Variants in TENM3 observed in about 807,000 individuals in gnomAD.
TENM3 encodes teneurin transmembrane protein 3.
TENM3 carries 63 observed loss-of-function variants against 255.1 expected under a neutral mutation model. The ratio of observed to expected loss-of-function variants is 0.25; its 90% CI spans 0.20 to 0.30. The LOEUF is 0.30. TENM3 is among the 10% of genes least tolerant of loss of function. The probability of loss-of-function intolerance (pLI) is 1.00; values close to 1 mark genes in which losing one functional copy is unlikely to be tolerated. For missense variants in TENM3, 2,929 were observed against 3,461.1 expected (o/e 0.85, Z 3.86); for synonymous variants, 1,306 against 1,322.3 (o/e 0.99, Z 0.27).
the TENM3 span, among the ~76,000 whole-genome samples, chr4:182,083,593 T>C: frequency 6.6e-6 from 1 of 152,334 alleles, no homozygotes; most frequent in Non-Finnish European, 1.5e-5. Context: ...ACACAAAAGA[T>C]AATGTTATGA....
the TENM3 span, among the ~76,000 whole-genome samples, chr4:181,714,859 G>A: frequency 6.6e-6 from 1 of 152,108 alleles, no homozygotes; most frequent in Non-Finnish European, 1.5e-5. Flanking sequence ...TTTATTGCCT[G>A]TGAGATTCTA....
At chr4:182,165,980 G>A (rs779611205) in intron 1 of TENM3, among the ~76,000 whole-genome samples, 11 of 152,198 alleles carry the variant, frequency 7.2e-5, no homozygotes, top group Non-Finnish European at 1.3e-4. Flanking sequence ...GGGTTTCACC[G>A]CATTAGCCAG....
At chr4:181,833,556 T>C in the TENM3 span, among the ~76,000 whole-genome samples, 4 of 152,200 alleles carry the variant, frequency 2.6e-5, no homozygotes, top group African/African-American at 9.7e-5. Flanking sequence ...ACTCAGGCCA[T>C]TCAAATATGG....
chr4:181,655,438 G>C, the TENM3 span, among the ~76,000 whole-genome samples: 4 of 152,158 alleles, frequency 2.6e-5, no homozygotes, highest in Non-Finnish European at 5.9e-5. Flanking sequence ...CTGTACTGAG[G>C]ATCTATTATG....
intron 1 of TENM3, among the ~76,000 whole-genome samples, chr4:182,151,058 C>CT (rs1750304295): frequency 6.6e-6 from 1 of 152,092 alleles, no homozygotes; most frequent in South Asian, 2.1e-4. Context: ...AAGGAGGTGT[C>CT]TTTTTTGACA....
At chr4:182,596,811 A>C (rs1260214677) in intron 3 of TENM3, among the ~76,000 whole-genome samples, 1 of 152,214 alleles carries the variant, frequency 6.6e-6, no homozygotes, top group Admixed American at 6.5e-5. Context: ...CGACATGTTC[A>C]GAGGTATGTT....
chr4:182,034,088 G>A, the TENM3 span, among the ~76,000 whole-genome samples: 22 of 152,176 alleles, frequency 1.4e-4, no homozygotes, highest in African/African-American at 9.7e-5. Context: ...AAGCCAAGGC[G>A]TGTTGTACAT....
At chr4:182,457,851 A>G (rs1457336679) in intron 3 of TENM3, among the ~76,000 whole-genome samples, 1 of 152,230 alleles carries the variant, frequency 6.6e-6, no homozygotes, top group South Asian at 2.1e-4. Flanking sequence ...GCGAGCCACC[A>G]CATCCGGCCT....
chr4:181,859,560 A>G, the TENM3 span, among the ~76,000 whole-genome samples: 13 of 152,282 alleles, frequency 8.5e-5, no homozygotes, highest in Admixed American at 7.2e-4. Flanking sequence ...CCCATTGTGA[A>G]CTCAGAGGTG....
rs1298168027 is a variant in TENM3, at chr4:182,326,528, TATC to T, written c.232+2279_232+2281del. Among the ~76,000 whole-genome samples, 3 of 151,902 alleles carry T rather than the reference TATC, an allele frequency of 2.0e-5. No homozygotes were observed. The East Asian group carries it at 5.8e-4, about 29-fold the overall frequency. ...ATTGCAGTCAATTTTTTAAGTCTAT[TATC>T]ATTATTATTAATTAATTAATTTAGT... On this transcript the variant is annotated intron_variant, in intron 2 of 27. Coordinates refer to ENST00000511685, the MANE Select transcript of TENM3 (RefSeq NM_001080477.4).
chr4:181,974,434 G>T, the TENM3 span, among the ~76,000 whole-genome samples: 2 of 152,074 alleles, frequency 1.3e-5, no homozygotes, highest in African/African-American at 4.8e-5. Context: ...CAGGCATGCT[G>T]GTGCATGCCT....
At chr4:182,239,576 C>T (rs1451475736), upstream of TENM3, among the ~76,000 whole-genome samples, 1 of 152,080 alleles carries the variant, frequency 6.6e-6, no homozygotes, top group African/African-American at 2.4e-5. Flanking sequence ...TAAGTGGATT[C>T]TTCAAGAGTT....
At chr4:182,139,274 G>A (rs1749225979), upstream of TENM3, among the ~76,000 whole-genome samples, 1 of 152,168 alleles carries the variant, frequency 6.6e-6, no homozygotes, top group Non-Finnish European at 1.5e-5. Context: ...TGTGTTCCAG[G>A]GGCCCCGGAT....
chr4:182,144,347 T>G (rs1749728160), upstream of TENM3: 1 of 152,528 alleles, frequency 6.6e-6, no homozygotes, highest in South Asian at 2.1e-4. Flanking sequence ...ACCTGGCCCT[T>G]CTCGCCTTCC....
chr4:181,755,232 A>G, the TENM3 span, among the ~76,000 whole-genome samples: 1 of 152,140 alleles, frequency 6.6e-6, no homozygotes, highest in Non-Finnish European at 1.5e-5. Context: ...CCAATTGTTC[A>G]CCATTCACTT....
chr4:181,516,521 C>T, the TENM3 span, among the ~76,000 whole-genome samples: 1 of 152,118 alleles, frequency 6.6e-6, no homozygotes, highest in South Asian at 2.1e-4. Context: ...TGGCTCACAA[C>T]TGTAATCCCA....
chr4:182,084,198 GA>G, the TENM3 span, among the ~76,000 whole-genome samples: 13 of 152,018 alleles, frequency 8.6e-5, no homozygotes, highest in Non-Finnish European at 1.5e-4. Flanking sequence ...TTGCTGGGGG[GA>G]AAAAATAAGC....
chr4:181,797,963 GA>G, the TENM3 span, among the ~76,000 whole-genome samples: 2 of 152,164 alleles, frequency 1.3e-5, no homozygotes, highest in African/African-American at 4.8e-5. Flanking sequence ...GAAGTGGGGG[GA>G]ATGGATGATA....
At chr4:182,589,787 A>T (rs1746420612) in intron 3 of TENM3, among the ~76,000 whole-genome samples, 1 of 152,116 alleles carries the variant, frequency 6.6e-6, no homozygotes, top group South Asian at 2.1e-4. Flanking sequence ...AGCCTGGCCA[A>T]CATGGTGAAA....
Sources: gnomAD v4.1 joint callset for allele counts (sites outside exome capture counted in the v4.1 genomes callset) on GRCh38, gnomAD v4.1.1 for gene constraint, MANE v1.5 for transcripts, NCBI Gene and HGNC (gene_info 2026-07-23, HGNC 2026-07-21) for gene names.